Variants in ASXL1 observed in about 807,000 individuals in gnomAD.
The protein encoded by ASXL1 is polycomb group protein ASXL1.
Under a neutral mutation model 89.1 loss-of-function variants are expected in ASXL1, and 65 were observed. The observed-to-expected ratio is 0.73, with a 90% CI of 0.60 to 0.90. ASXL1 has a LOEUF of 0.90. Ranked by LOEUF, ASXL1 falls within the 40% of genes least tolerant of loss-of-function variation. The pLI is 0.00. For missense variants in ASXL1, 1,786 were observed against 1,942.9 expected (o/e 0.92, Z 1.52); for synonymous variants, 739 against 746.9 (o/e 0.99, Z 0.17).
At chr20:32,362,609 C>T (rs1047591527) in intron 1 of ASXL1, among the ~76,000 whole-genome samples, 59 of 152,336 alleles carry the variant, frequency 3.9e-4, no homozygotes, top group Non-Finnish European at 4.7e-4. Flanking sequence ...GCACTCCATC[C>T]AGCCTGGGCG....
chr20:32,369,808 A>C (rs1353103600), intron 4 of ASXL1, among the ~76,000 whole-genome samples: 1 of 129,278 alleles, frequency 7.7e-6, no homozygotes, highest in African/African-American at 2.9e-5. Context: ...AGCTCATTGC[A>C]CCCTCCACCT....
At chr20:32,430,920 C>T in intron 8 of ASXL1, 1 of 439,052 alleles carries the variant, frequency 2.3e-6, no homozygotes, top group Non-Finnish European at 4.3e-6. Context: ...TCACAGAAGG[C>T]TTCTGCAGAT....
chr20:32,376,240 TATTTTATTTTATTTTATTTTA>T (rs562953631), intron 4 of ASXL1, among the ~76,000 whole-genome samples: 1,661 of 151,890 alleles, frequency 0.011, 25 homozygotes, highest in African/African-American at 0.038. Flanking sequence ...ATTTTATTTT[TATTTTATTTTATTTTATTTTA>T]ATTTTATTTT....
At chr20:32,427,002 CT>C (rs34994656) in intron 4 of ASXL1, 1 of 152,098 alleles carries the variant, frequency 6.6e-6, no homozygotes, top group South Asian at 2.1e-4. Flanking sequence ...TTTATGGTGC[CT>C]TTTTAGCAGA....
intron 4 of ASXL1, among the ~76,000 whole-genome samples, chr20:32,370,679 T>G (rs1200923391): frequency 1.3e-5 from 2 of 152,298 alleles, no homozygotes; most frequent in Admixed American, 6.5e-5. Flanking sequence ...AAATACCAAC[T>G]ATATAACATG....
At chr20:32,383,720 A>AT (rs2048529340) in intron 4 of ASXL1, among the ~76,000 whole-genome samples, 1 of 152,192 alleles carries the variant, frequency 6.6e-6, no homozygotes, top group South Asian at 2.1e-4. Flanking sequence ...ATTACTTGGT[A>AT]TCTCCACTTG....
chr20:32,397,812 C>T (rs540959475), intron 4 of ASXL1, among the ~76,000 whole-genome samples: 1 of 152,350 alleles, frequency 6.6e-6, no homozygotes, highest in Admixed American at 6.5e-5. Flanking sequence ...CTGCTGGCCG[C>T]AGGTTGGACA....
In ASXL1 at chr20:32,380,769, C is replaced by A. The variant is rs1482390427; in HGVS notation, c.252+11646C>A. 2.6e-5 allele frequency among the ~76,000 whole-genome samples: 4 copies of A among 152,054 alleles called. No homozygotes were observed. In the East Asian group the frequency reaches 7.7e-4, roughly 29 times the overall value. Reference sequence around the variant, plus strand: ...TCAACGAACAAAGAAACAAAAAAAACCCAAATGATTTACTTACCATTAAAT... The same window carrying A: ...TCAACGAACAAAGAAACAAAAAAAAACCAAATGATTTACTTACCATTAAAT... On this transcript the variant is annotated intron_variant, in intron 4 of 12. Coordinates refer to ENST00000375687, the MANE Select transcript of ASXL1 (RefSeq NM_015338.6).
chr20:32,408,869 C>T (rs956222361), intron 4 of ASXL1, among the ~76,000 whole-genome samples: 3 of 152,016 alleles, frequency 2.0e-5, no homozygotes, highest in Non-Finnish European at 4.4e-5. Flanking sequence ...GTATAATCTC[C>T]AGTTATTATC....
intron 1 of ASXL1, among the ~76,000 whole-genome samples, chr20:32,365,041 C>A (rs1338600015): frequency 6.6e-6 from 1 of 152,080 alleles, no homozygotes; most frequent in African/African-American, 2.4e-5. Context: ...GGCTGTCAAT[C>A]AAGGTAGGGA....
At position 32,429,316 on chromosome 20, in the gene ASXL1, T is replaced by A. The variant is rs4911230; in HGVS notation, c.472-22T>A. The A allele has an allele frequency of 1.9e-5, 30 of 1,612,574 alleles. No individual in the cohort carries two copies. Among genetic ancestry groups the A allele is most frequent in the Non-Finnish European group, 2.5e-5 (30 of 1,178,976 alleles). On this transcript the variant is annotated intron_variant, in intron 6 of 12. Transcript: ENST00000375687. This position sits in a 1 kb window ranked among gnomAD's most constrained non-coding sequence, Gnocchi z 4.9. ...GCTCTGCAGTTGACTTGGGCTCTCT[T>A]TTGTTCTCTCTTGGAACGCAGGCGA...
rs2011964506 is a variant in ASXL1 at position 32,437,122 on chromosome 20, TGTG to T, written c.4414_4416del (p.Val1472del). 6.2e-7 allele frequency: 1 copy of T among 1,614,082 alleles called. No individual in the cohort carries two copies. The highest frequency in any genetic ancestry group is 8.5e-7 in the Non-Finnish European group (1 of 1,180,042). ...CCTTTCCCAAAGGCCTTGCTGGAAG[TGTG>T]GTGCAGCTGAGCCACAAAGCAAACT... On this transcript the variant is annotated inframe_deletion, in exon 13 of 13. Coordinates refer to ENST00000375687, the MANE Select transcript of ASXL1 (RefSeq NM_015338.6).
Position 32,433,236 on chromosome 20 carries a change from A to T in ASXL1, c.1086-48A>T, listed in dbSNP as rs755074089. ...TCCATATTATTCATAGAAATAAGAG[A>T]CATGTCCACTCTGGCCTGAAACTGA... On this transcript the variant is annotated intron_variant, in intron 11 of 12. Coordinates refer to ENST00000375687, the MANE Select transcript of ASXL1 (RefSeq NM_015338.6). 7.4e-6 allele frequency: 12 copies of T among 1,613,132 alleles called. No individual in the cohort carries two copies. The South Asian group carries it at 1.3e-4, about 18-fold the overall frequency.
At chr20:32,405,986 A>G (rs1252403016) in intron 4 of ASXL1, among the ~76,000 whole-genome samples, 1 of 152,058 alleles carries the variant, frequency 6.6e-6, no homozygotes, top group Admixed American at 6.6e-5. Flanking sequence ...ATTAATAGTA[A>G]TATATACAGT....
At chr20:32,361,869 C>T (rs1329301668) in intron 1 of ASXL1, among the ~76,000 whole-genome samples, 2 of 151,870 alleles carry the variant, frequency 1.3e-5, no homozygotes, top group African/African-American at 2.4e-5. Context: ...AGTTCGAGAC[C>T]AGCCTGGCCA....
intron 4 of ASXL1, among the ~76,000 whole-genome samples, chr20:32,371,546 C>T (rs973095465): frequency 6.6e-6 from 1 of 152,122 alleles, no homozygotes; most frequent in Non-Finnish European, 1.5e-5. Context: ...TTTGGCCTCC[C>T]AAACTGCCAG....
chr20:32,381,956 CTTT>C (rs11482197), intron 4 of ASXL1, among the ~76,000 whole-genome samples: 3 of 113,664 alleles, frequency 2.6e-5, no homozygotes, highest in South Asian at 2.9e-4. Context: ...TTTTTCTTGC[CTTT>C]TTTTTTTTTT....
chr20:32,431,326 A>G lies in ASXL1; in HGVS notation c.724A>G (p.Met242Val), dbSNP rs765190948. Residue 242 changes from methionine (M) to valine (V), a missense_variant, in exon 9 of 13, where the codon ATG becomes GTG. Coordinates refer to ENST00000375687, the MANE Select transcript of ASXL1 (RefSeq NM_015338.6). ...RGFRKPATGQ[M>V]KRNRGEEIDF... ...CCTTGCTTCAAAAATCATAGGTCAAATGAAGCGCAACAGAGGGGAAGAAAT... is the reference window on the plus strand; with the variant it reads ...CCTTGCTTCAAAAATCATAGGTCAAGTGAAGCGCAACAGAGGGGAAGAAAT... 27 of 1,614,094 alleles carry G rather than the reference A, an allele frequency of 1.7e-5. No individual in the cohort carries two copies. Among genetic ancestry groups the G allele is most frequent in the Non-Finnish European group, 2.2e-5 (26 of 1,180,050 alleles).
intron 4 of ASXL1, chr20:32,427,228 T>A (rs2011340317): frequency 6.6e-6 from 1 of 152,166 alleles, no homozygotes; most frequent in Admixed American, 6.5e-5. Flanking sequence ...AAGAAGCTTT[T>A]CTTAGGAGGT....
Sources: allele counts gnomAD v4.1 joint callset (sites outside exome capture counted in the v4.1 genomes callset), GRCh38; gene constraint gnomAD v4.1.1; non-coding constraint Gnocchi (gnomAD v3.1); transcripts MANE v1.5; gene names NCBI Gene and HGNC (gene_info 2026-07-23, HGNC 2026-07-21).